Variants in TOP1 observed in about 807,000 individuals in gnomAD.
The protein encoded by TOP1 is DNA topoisomerase 1.
TOP1 carries 10 observed loss-of-function variants against 111.1 expected under a neutral mutation model. That is an observed-to-expected ratio of 0.09 (90% CI 0.06 to 0.15). The LOEUF (loss-of-function observed/expected upper bound fraction) is 0.15. TOP1 is among the 10% of genes least tolerant of loss of function. The probability of loss-of-function intolerance (pLI) is 1.00; values close to 1 mark genes in which losing one functional copy is unlikely to be tolerated. For synonymous variants in TOP1, 271 were observed against 302.9 expected (o/e 0.89, Z 1.10); for missense variants, 474 against 926.7 (o/e 0.51, Z 6.34).
chr20:41,113,360 C>T (rs2034273028), intron 14 of TOP1, among the ~76,000 whole-genome samples: 1 of 152,154 alleles, frequency 6.6e-6, no homozygotes, highest in African/African-American at 2.4e-5. Flanking sequence ...GCAGCACTCC[C>T]TCATTTGCTG....
At chr20:41,085,515 T>C (rs1057405101) in intron 8 of TOP1, among the ~76,000 whole-genome samples, 10 of 152,256 alleles carry the variant, frequency 6.6e-5, no homozygotes, top group Admixed American at 2.6e-4. Flanking sequence ...AAAATACTTA[T>C]TTCTGTTAAC....
Position 41,106,058 on chromosome 20 carries a change from T to A in TOP1, c.1308+4705T>A, listed in dbSNP as rs1460105687. The stretch of plus-strand genomic sequence containing the variant: ...AGTTTTGCTTTTTACATTTGGGTCT[T>A]AGATCCACTAGAATGTATTTTTGCA... On this transcript the variant is annotated intron_variant, in intron 13 of 20. Transcript: ENST00000361337. The surrounding 1 kb of genome is among the most constrained non-coding windows in gnomAD (Gnocchi z 4.3). 2.0e-5 allele frequency among the ~76,000 whole-genome samples: 3 copies of A among 151,768 alleles called. No homozygotes were observed. In the East Asian group the frequency reaches 5.8e-4, roughly 29 times the overall value.
Position 41,069,058 on chromosome 20 carries a change from A to G in TOP1, c.156-7113A>G, listed in dbSNP as rs549655030. On this transcript the variant is annotated intron_variant, in intron 3 of 20. Coordinates refer to ENST00000361337, the MANE Select transcript of TOP1 (RefSeq NM_003286.4). This position sits in a 1 kb window ranked among gnomAD's most constrained non-coding sequence, Gnocchi z 4.1. ...GAAGTACTTTTCCAGCCATATTGGC[A>G]GTGCTATTCTGTACTGTCAGTGTGA... Among the ~76,000 whole-genome samples, 35 of 152,362 alleles carry G rather than the reference A, an allele frequency of 2.3e-4. No individual in the cohort carries two copies. In the East Asian group the frequency reaches 6.4e-3, roughly 28 times the overall value.
rs759068522 is a variant in TOP1 at position 41,098,228 on chromosome 20, A to T, written c.866A>T (p.Glu289Val). 32 of 1,613,792 alleles carry T rather than the reference A, an allele frequency of 2.0e-5. No homozygotes were observed. The highest frequency in any genetic ancestry group is 2.6e-5 in the Non-Finnish European group (31 of 1,179,828). ...TCTTTTGACTAGGAAATGACTAATG[A>T]AGAGAAGAATATTATCACCAACCTA... ...FKDWRKEMTN[E>V]EKNIITNLSK... is the part of the protein sequence containing the mutation. Residue 289 changes from glutamate (E) to valine (V), a missense_variant, in exon 11 of 21, where the codon GAA becomes GTA. By Grantham distance (121) the Glu-to-Val change is moderately radical. Around this residue, in one of 14 missense-constraint regions of TOP1, gnomAD observed 84 missense variants for 119.2 expected, o/e 0.70. Transcript: ENST00000361337. This position sits in a 1 kb window ranked among gnomAD's most constrained non-coding sequence, Gnocchi z 5.7.
intron 8 of TOP1, among the ~76,000 whole-genome samples, chr20:41,087,766 CT>C (rs2033865465): frequency 1.3e-5 from 2 of 152,266 alleles, no homozygotes; most frequent in African/African-American, 4.8e-5. Context: ...TGCAAGGGAA[CT>C]TGATATCAAA....
At chr20:41,093,721 CTGAAA>C (rs2033948012) in intron 9 of TOP1, among the ~76,000 whole-genome samples, 2 of 152,176 alleles carry the variant, frequency 1.3e-5, no homozygotes, top group Admixed American at 1.3e-4. Context: ...AGGATAACTG[CTGAAA>C]AGCATCAGTG....
At chr20:41,088,312 C>T (rs1244912106) in intron 8 of TOP1, among the ~76,000 whole-genome samples, 1 of 152,156 alleles carries the variant, frequency 6.6e-6, no homozygotes, top group Non-Finnish European at 1.5e-5. Flanking sequence ...TCCTGGCTAA[C>T]ATGGTGAAAC....
Position 41,083,741 on chromosome 20 carries a change from G to C in TOP1, c.508-721G>C, listed in dbSNP as rs930358486. Among the ~76,000 whole-genome samples the C allele has an allele frequency of 6.6e-6, 1 of 152,172 alleles. No homozygotes were observed. Among genetic ancestry groups the C allele is most frequent in the African/African-American group, 2.4e-5 (1 of 41,440 alleles). Reference sequence around the variant, plus strand: ...TATTCTTCAAAAGAGTTCAGATTCTGAGTGGGATCTTCACTTGTTGAATAT... The same window carrying C: ...TATTCTTCAAAAGAGTTCAGATTCTCAGTGGGATCTTCACTTGTTGAATAT... On this transcript the variant is annotated intron_variant, in intron 7 of 20. Coordinates refer to ENST00000361337, the MANE Select transcript of TOP1 (RefSeq NM_003286.4). This position sits in a 1 kb window ranked among gnomAD's most constrained non-coding sequence, Gnocchi z 7.2.
chr20:41,121,644 G>A lies in TOP1; in HGVS notation c.1951-52G>A, dbSNP rs1600607846. The A allele has an allele frequency of 1.4e-6, 2 of 1,431,446 alleles. No individual in the cohort carries two copies. Among genetic ancestry groups the A allele is most frequent in the South Asian group, 2.3e-5 (2 of 87,286 alleles). The allele number at this position is 1,431,446 out of a possible 1,614,324, so 88.7% of individuals were successfully genotyped here. On this transcript the variant is annotated intron_variant, in intron 18 of 20. Coordinates refer to ENST00000361337, the MANE Select transcript of TOP1 (RefSeq NM_003286.4). The surrounding 1 kb of genome is among the most constrained non-coding windows in gnomAD (Gnocchi z 4.2). ...ACATCTTGGTTTCACCTTCTCAGGTGGAGCCATTTTTCCTCTACAGCTCAT... is the reference window on the plus strand; with the variant it reads ...ACATCTTGGTTTCACCTTCTCAGGTAGAGCCATTTTTCCTCTACAGCTCAT...
Position 41,121,677 on chromosome 20 carries a change from C to T in TOP1, c.1951-19C>T. ...TTTTCCTCTACAGCTCATAACCTTA[C>T]CACTATTATTTCCCCTAGATTGATG... On this transcript the variant is annotated intron_variant, in intron 18 of 20. Coordinates refer to ENST00000361337, the MANE Select transcript of TOP1 (RefSeq NM_003286.4). The surrounding 1 kb of genome is among the most constrained non-coding windows in gnomAD (Gnocchi z 4.2). 2 of 1,602,912 alleles carry T rather than the reference C, an allele frequency of 1.2e-6. No homozygotes were observed. Among genetic ancestry groups the T allele is most frequent in the South Asian group, 1.1e-5 (1 of 90,842 alleles).
At chr20:41,070,686 C>A (rs775864253) in intron 3 of TOP1, among the ~76,000 whole-genome samples, 3 of 152,222 alleles carry the variant, frequency 2.0e-5, no homozygotes, top group Admixed American at 1.3e-4. Flanking sequence ...CTTCATGTGA[C>A]CTGCAGAGGT....
intron 2 of TOP1, among the ~76,000 whole-genome samples, chr20:41,040,400 A>G (rs753659876): frequency 1.4e-4 from 21 of 152,230 alleles, no homozygotes; most frequent in Non-Finnish European, 2.1e-4. Flanking sequence ...GAAATGAAGA[A>G]ACAGTAGCTT....
chr20:41,076,345 A>G, intron 4 of TOP1, 51 bp downstream of exon 4: 1 of 1,559,806 alleles, frequency 6.4e-7, no homozygotes, highest in Non-Finnish European at 8.6e-7. Flanking sequence ...ACTTTTGTTT[A>G]CCTTTGAAAG....
At position 41,046,899 on chromosome 20, in the gene TOP1, G is replaced by C. The variant is rs1326962824; in HGVS notation, c.59-14495G>C. ...GGCCAGTCATTGGCCTCTCTTCAGA[G>C]TTCTCATGTGACTCACTTAGTTTTG... On this transcript the variant is annotated intron_variant, in intron 2 of 20. Coordinates refer to ENST00000361337, the MANE Select transcript of TOP1 (RefSeq NM_003286.4). This position sits in a 1 kb window ranked among gnomAD's most constrained non-coding sequence, Gnocchi z 4.3. Among the ~76,000 whole-genome samples, 2 of 152,210 alleles carry C rather than the reference G, an allele frequency of 1.3e-5. No individual in the cohort carries two copies. Among genetic ancestry groups the C allele is most frequent in the African/African-American group, 4.8e-5 (2 of 41,458 alleles).
intron 13 of TOP1, among the ~76,000 whole-genome samples, chr20:41,108,771 C>CT (rs1171610976): frequency 2.6e-5 from 4 of 152,180 alleles, no homozygotes. Context: ...CAAAGAAACT[C>CT]TGATTCCAGA....
In TOP1 at chr20:41,110,336, T is replaced by G. The variant is rs895693185; in HGVS notation, c.1309-2446T>G. On this transcript the variant is annotated intron_variant, in intron 13 of 20. Transcript: ENST00000361337. This position sits in a 1 kb window ranked among gnomAD's most constrained non-coding sequence, Gnocchi z 4.2. ...AGACAGAGGAGTCTATATTGTATGA[T>G]TCTATTTATATAATCTAGACTAGGC... 2.0e-5 allele frequency among the ~76,000 whole-genome samples: 3 copies of G among 152,136 alleles called. No individual in the cohort carries two copies. The East Asian group carries it at 5.8e-4, about 29-fold the overall frequency.
At chr20:41,050,696 A>G (rs755729266) in intron 2 of TOP1, among the ~76,000 whole-genome samples, 3 of 152,182 alleles carry the variant, frequency 2.0e-5, no homozygotes, top group Non-Finnish European at 4.4e-5. Context: ...TCCCCTTTTA[A>G]TGATGACAAG....
Position 41,077,573 on chromosome 20 carries a change from A to G in TOP1, c.280-9A>G. ...TCAAGGTACTAGTTACTGTTGTTTT[A>G]CTTTTCAGGTTCGAGCCTCTGGGGA... On this transcript the variant is annotated splice_polypyrimidine_tract_variant and intron_variant, in intron 4 of 20. Transcript: ENST00000361337. 1 of 1,613,562 alleles carries G rather than the reference A, an allele frequency of 6.2e-7. No homozygotes were observed.
chr20:41,040,573 C>T (rs1040476414), intron 2 of TOP1, among the ~76,000 whole-genome samples: 5 of 152,042 alleles, frequency 3.3e-5, no homozygotes, highest in African/African-American at 1.2e-4. Flanking sequence ...GCCAGGCACC[C>T]CACACTGAGA....
Sources: allele counts gnomAD v4.1 joint callset (sites outside exome capture counted in the v4.1 genomes callset), GRCh38; gene constraint gnomAD v4.1.1; regional missense constraint gnomAD v4.1.1; non-coding constraint Gnocchi (gnomAD v3.1); transcripts MANE v1.5; gene names NCBI Gene and HGNC (gene_info 2026-07-23, HGNC 2026-07-21).